Variants in OSBPL1A observed in about 807,000 individuals in gnomAD.
OSBPL1A encodes oxysterol-binding protein-related protein 1.
In OSBPL1A, 80 loss-of-function variants were observed where a neutral mutation model predicts 137.1. The ratio of observed to expected loss-of-function variants is 0.58; its 90% CI spans 0.49 to 0.70. OSBPL1A has a LOEUF of 0.70. OSBPL1A is among the 30% of genes least tolerant of loss of function. The pLI is 0.00. For synonymous variants in OSBPL1A, 365 were observed against 389.7 expected (o/e 0.94, Z 0.75); for missense variants, 970 against 1,129.4 (o/e 0.86, Z 2.02).
intron 4 of OSBPL1A, among the ~76,000 whole-genome samples, chr18:24,356,630 C>T (rs578231592): frequency 6.6e-6 from 1 of 152,298 alleles, no homozygotes; most frequent in South Asian, 2.1e-4. Context: ...GTTGTTGGTA[C>T]AACCCTCACA....
At chr18:24,237,120 A>C (rs566808507) in intron 16 of OSBPL1A, among the ~76,000 whole-genome samples, 52 of 152,136 alleles carry the variant, frequency 3.4e-4, no homozygotes, top group Non-Finnish European at 4.9e-4. Flanking sequence ...ACAAGCACAT[A>C]TATATGTGAT....
chr18:24,383,099 T>C (rs1906721304), intron 1 of OSBPL1A, among the ~76,000 whole-genome samples: 1 of 152,000 alleles, frequency 6.6e-6, no homozygotes, highest in South Asian at 2.1e-4. Context: ...TGGTTATTTG[T>C]ATTTTCCAAA....
chr18:24,321,330 T>TA (rs770073756), intron 7 of OSBPL1A, among the ~76,000 whole-genome samples: 3 of 152,316 alleles, frequency 2.0e-5, no homozygotes, highest in Admixed American at 1.3e-4. Context: ...TTCCCCAACT[T>TA]ACAACAGTTC....
chr18:24,269,091 C>T (rs542497252), intron 15 of OSBPL1A, among the ~76,000 whole-genome samples: 1 of 152,264 alleles, frequency 6.6e-6, no homozygotes, highest in African/African-American at 2.4e-5. Flanking sequence ...GCTCTGCATC[C>T]CCCTTTCCTT....
At chr18:24,371,087 A>G (rs151335319) in intron 2 of OSBPL1A, among the ~76,000 whole-genome samples, 1 of 152,256 alleles carries the variant, frequency 6.6e-6, no homozygotes, top group East Asian at 1.9e-4. Context: ...TGGCTTCACT[A>G]TAATATCTGT....
intron 15 of OSBPL1A, chr18:24,272,076 C>A: frequency 2.0e-6 from 2 of 982,310 alleles, no homozygotes; most frequent in Non-Finnish European, 2.4e-6. Context: ...CGCTGGCGGG[C>A]GGAGGCGCAG....
rs554976454 is a variant in OSBPL1A, at chr18:24,334,247, G to A, written c.478C>T (p.Leu160=). Residue 160 remains leucine, a splice_region_variant and synonymous_variant, in exon 6 of 28, where the codon CTG becomes TTG. Transcript: ENST00000319481. ...REGKTTELTA[L]LNRPNPPDVN... is the part of the protein sequence containing the mutation. The stretch of plus-strand genomic sequence containing the variant: ...TGGGGGTTTTTTGTTTGTTTTACCA[G>A]AGCTGTGAGTTCTGTTGTTTTGCCT... The A allele has an allele frequency of 3.7e-6, 6 of 1,606,390 alleles. No individual in the cohort carries two copies. In the African/African-American group the frequency reaches 8.1e-5, roughly 22 times the overall value.
At chr18:24,304,049 T>C (rs2090454727) in intron 13 of OSBPL1A, among the ~76,000 whole-genome samples, 1 of 152,230 alleles carries the variant, frequency 6.6e-6, no homozygotes, top group Admixed American at 6.5e-5. Context: ...TTAGCACTTT[T>C]AGTAGGCCTC....
chr18:24,389,899 A>G (rs1568071716), intron 1 of OSBPL1A, among the ~76,000 whole-genome samples: 1 of 152,084 alleles, frequency 6.6e-6, no homozygotes, highest in Non-Finnish European at 1.5e-5. Context: ...CCGAGATCGC[A>G]CCACTGCAGT....
intron 17 of OSBPL1A, among the ~76,000 whole-genome samples, chr18:24,216,781 A>G (rs1246568955): frequency 6.6e-6 from 1 of 151,998 alleles, no homozygotes; most frequent in African/African-American, 2.4e-5. Context: ...AGGGGAGGAA[A>G]GGTTTCAGCT....
intron 15 of OSBPL1A, among the ~76,000 whole-genome samples, chr18:24,263,403 A>C (rs979973823): frequency 6.6e-6 from 1 of 152,222 alleles, no homozygotes; most frequent in Non-Finnish European, 1.5e-5. Context: ...ATGGTAAATC[A>C]TATGTATATT....
chr18:24,296,333 T>C (rs911113297), intron 14 of OSBPL1A, among the ~76,000 whole-genome samples: 6 of 152,232 alleles, frequency 3.9e-5, no homozygotes, highest in Admixed American at 3.3e-4. Context: ...GCTGTGCTAC[T>C]GATTTGTATA....
intron 2 of OSBPL1A, among the ~76,000 whole-genome samples, chr18:24,371,025 A>C (rs1905590495): frequency 6.6e-6 from 1 of 152,148 alleles, no homozygotes; most frequent in African/African-American, 2.4e-5. Context: ...CAATAAATTC[A>C]GTGTCTATTC....
At chr18:24,287,639 G>C (rs187904560) in intron 14 of OSBPL1A, among the ~76,000 whole-genome samples, 7 of 152,158 alleles carry the variant, frequency 4.6e-5, no homozygotes, top group African/African-American at 2.4e-5. Context: ...TGGGCGAGGT[G>C]GTACTTGCCT....
At chr18:24,311,646 A>ATGC (rs2090621533) in intron 13 of OSBPL1A, 2 of 353,750 alleles carry the variant, frequency 5.7e-6, no homozygotes, top group African/African-American at 4.4e-5. Flanking sequence ...GTGAAGTCAT[A>ATGC]AAGGGCATCA....
chr18:24,354,795 A>T (rs1568048446), intron 4 of OSBPL1A, among the ~76,000 whole-genome samples: 1 of 151,338 alleles, frequency 6.6e-6, no homozygotes, highest in Non-Finnish European at 1.5e-5. Flanking sequence ...AAAGATGATG[A>T]AAGTAGTATC....
At chr18:24,184,056 T>C (rs921217718) in intron 18 of OSBPL1A, among the ~76,000 whole-genome samples, 2 of 152,206 alleles carry the variant, frequency 1.3e-5, no homozygotes, top group Non-Finnish European at 2.9e-5. Context: ...GGTAATGCTA[T>C]ATGTGTGCTT....
chr18:24,341,013 G>A (rs78659444), intron 5 of OSBPL1A, among the ~76,000 whole-genome samples: 9 of 151,996 alleles, frequency 5.9e-5, no homozygotes, highest in South Asian at 2.1e-4. Flanking sequence ...CAAACTTTTC[G>A]GCTGGGGGGT....
intron 15 of OSBPL1A, among the ~76,000 whole-genome samples, chr18:24,279,757 A>C (rs2089920048): frequency 6.6e-6 from 1 of 152,328 alleles, no homozygotes; most frequent in African/African-American, 2.4e-5. Flanking sequence ...CAACCAAAAC[A>C]CATCTTTGTA....
Sources: gnomAD v4.1 joint callset for allele counts (sites outside exome capture counted in the v4.1 genomes callset) on GRCh38, gnomAD v4.1.1 for gene constraint, MANE v1.5 for transcripts, NCBI Gene and HGNC (gene_info 2026-07-23, HGNC 2026-07-21) for gene names.